The following OR1F1 variants were observed in gnomAD, a reference collection of about 807,000 sequenced individuals.
The protein encoded by OR1F1 is olfactory receptor family 1 subfamily F member 1.
For missense variants in OR1F1, 493 were observed against 376.3 expected (o/e 1.31, Z -2.57); for synonymous variants, 184 against 156.7 (o/e 1.17, Z -1.30).
At chr16:3,204,959 TCTC>T (rs1958186714) in exon 1 of OR1F1, 4 of 1,614,118 alleles carry the variant, frequency 2.5e-6, no homozygotes, top group Non-Finnish European at 3.4e-6. Context: ...TGGAAAGCCT[TCTC>T]CACCTGTGGT....
upstream of OR1F1, among the ~76,000 whole-genome samples, chr16:3,199,851 A>G (rs1021754143): frequency 8.6e-5 from 13 of 152,012 alleles, no homozygotes; most frequent in Non-Finnish European, 1.6e-4. Flanking sequence ...CCCCGTCTCT[A>G]CTAAAAATAC....
the OR1F1 span, among the ~76,000 whole-genome samples, chr16:3,192,547 T>C: frequency 2.0e-5 from 3 of 152,350 alleles, no homozygotes; most frequent in East Asian, 3.9e-4. Context: ...GATGAGTATC[T>C]TGAGCAGCTC....
upstream of OR1F1, among the ~76,000 whole-genome samples, chr16:3,203,251 A>G (rs1958157762): frequency 6.6e-6 from 1 of 152,188 alleles, no homozygotes; most frequent in Non-Finnish European, 1.5e-5. Flanking sequence ...GTGGCCATGG[A>G]GGCTCCTGTG....
chr16:3,189,872 G>C, the OR1F1 span: 1 of 152,174 alleles, frequency 6.6e-6, no homozygotes, highest in African/African-American at 2.4e-5. Flanking sequence ...AATTCATCTA[G>C]AGTCCTGTCA....
chr16:3,197,473 C>T, the OR1F1 span, among the ~76,000 whole-genome samples: 2 of 151,946 alleles, frequency 1.3e-5, no homozygotes, highest in East Asian at 3.9e-4. Context: ...CTCTAAGGCA[C>T]ATCTCAACTT....
chr16:3,192,342 T>C, the OR1F1 span, among the ~76,000 whole-genome samples: 9 of 152,214 alleles, frequency 5.9e-5, no homozygotes, highest in African/African-American at 1.9e-4. Flanking sequence ...CGTGAGCCAC[T>C]GCGCCCGGCC....
the OR1F1 span, chr16:3,189,610 A>T: frequency 6.6e-6 from 1 of 152,130 alleles, no homozygotes; most frequent in Non-Finnish European, 1.5e-5. Context: ...GCCCACAAAG[A>T]TAACCTTAAT....
chr16:3,188,741 T>A, the OR1F1 span, among the ~76,000 whole-genome samples: 1 of 152,014 alleles, frequency 6.6e-6, no homozygotes, highest in African/African-American at 2.4e-5. Context: ...CCAGATCTGC[T>A]GGATTCTCGG....
At chr16:3,192,269 G>A in the OR1F1 span, among the ~76,000 whole-genome samples, 1 of 150,516 alleles carries the variant, frequency 6.6e-6, no homozygotes, top group Non-Finnish European at 1.5e-5. Context: ...TGTTAGCCAG[G>A]ATGGTCTTGA....
the OR1F1 span, among the ~76,000 whole-genome samples, chr16:3,196,193 T>C: frequency 1.3e-5 from 2 of 152,188 alleles, no homozygotes; most frequent in South Asian, 2.1e-4. Flanking sequence ...ACTCTTAATC[T>C]CAGGGTCGTG....
At chr16:3,200,829 A>G (rs1958128364), upstream of OR1F1, among the ~76,000 whole-genome samples, 1 of 152,170 alleles carries the variant, frequency 6.6e-6, no homozygotes, top group South Asian at 2.1e-4. Context: ...TTGACTACCT[A>G]TCCTGCCTCA....
upstream of OR1F1, among the ~76,000 whole-genome samples, chr16:3,202,633 G>A (rs1041028749): frequency 6.7e-6 from 1 of 149,228 alleles, no homozygotes; most frequent in African/African-American, 2.4e-5. Context: ...TACCTTGCCT[G>A]GGCAACAAGA....
exon 1 of OR1F1, chr16:3,204,608 A>G (rs545429025): frequency 6.2e-7 from 1 of 1,614,112 alleles, no homozygotes; most frequent in East Asian, 2.2e-5. Context: ...ATGGCCTATG[A>G]CCACTTTGTC....
downstream of OR1F1, among the ~76,000 whole-genome samples, chr16:3,205,838 T>A (rs2141596017): frequency 6.6e-6 from 1 of 152,326 alleles, no homozygotes; most frequent in Admixed American, 6.5e-5. Flanking sequence ...GTGATAATTC[T>A]ACCTAACTAT....
chr16:3,206,107 G>T (rs1457640408), downstream of OR1F1, among the ~76,000 whole-genome samples: 1 of 152,142 alleles, frequency 6.6e-6, no homozygotes, highest in Non-Finnish European at 1.5e-5. Flanking sequence ...GCACTCCTCG[G>T]GGGAGGTCTA....
chr16:3,203,581 T>C (rs760837801), upstream of OR1F1, among the ~76,000 whole-genome samples: 5 of 152,064 alleles, frequency 3.3e-5, no homozygotes, highest in East Asian at 1.9e-4. Flanking sequence ...ATGGCCAACA[T>C]GGTGAAACCC....
chr16:3,189,534 C>A, the OR1F1 span, among the ~76,000 whole-genome samples: 5 of 152,192 alleles, frequency 3.3e-5, no homozygotes, highest in Non-Finnish European at 7.4e-5. Context: ...CCAGGCGGGT[C>A]TGAAATAAGA....
chr16:3,190,749 TAA>T, the OR1F1 span, among the ~76,000 whole-genome samples: 8 of 92,210 alleles, frequency 8.7e-5, no homozygotes, highest in Admixed American at 3.6e-4. Context: ...AGACTCTATC[TAA>T]AAAAAAAAAA....
the OR1F1 span, among the ~76,000 whole-genome samples, chr16:3,192,033 G>C: frequency 1.3e-5 from 2 of 152,124 alleles, no homozygotes; most frequent in Admixed American, 1.3e-4. Flanking sequence ...GATGCGAGAG[G>C]TCCCGGGTTC....
Sources: allele counts gnomAD v4.1 joint callset (sites outside exome capture counted in the v4.1 genomes callset), GRCh38; gene constraint gnomAD v4.1.1; transcripts MANE v1.5; gene names NCBI Gene and HGNC (gene_info 2026-07-23, HGNC 2026-07-21).